The following XPNPEP1 variants were observed in gnomAD, a reference collection of about 807,000 sequenced individuals.
XPNPEP1 encodes xaa-Pro aminopeptidase 1.
A neutral mutation model predicts 92.4 loss-of-function variants in XPNPEP1; 39 were observed. The ratio of observed to expected loss-of-function variants is 0.42; its 90% CI spans 0.33 to 0.55. The LOEUF is 0.55. XPNPEP1 is among the 20% of genes least tolerant of loss of function. The pLI is 0.08. For synonymous variants in XPNPEP1, 307 were observed against 299.4 expected, an observed-to-expected ratio of 1.03 and a Z score of -0.26; for missense variants, 654 against 856.1, an observed-to-expected ratio of 0.76 and a Z score of 2.95.
chr10:109,874,132 A>G (rs542156504), intron 15 of XPNPEP1, among the ~76,000 whole-genome samples: 28 of 152,358 alleles, frequency 1.8e-4, no homozygotes, highest in African/African-American at 6.3e-4. Context: ...TGGTACATAA[A>G]TTTTACCCCA....
At chr10:109,900,974 A>C (rs1223661308) in intron 3 of XPNPEP1, among the ~76,000 whole-genome samples, 2 of 152,144 alleles carry the variant, frequency 1.3e-5, no homozygotes, top group Non-Finnish European at 2.9e-5. Flanking sequence ...CTATAAAGAC[A>C]CATGCACACA....
intron 2 of XPNPEP1, among the ~76,000 whole-genome samples, chr10:109,908,952 A>G (rs1438530355): frequency 6.6e-6 from 1 of 152,162 alleles, no homozygotes; most frequent in African/African-American, 2.4e-5. Context: ...CAGGGCCTCA[A>G]TGCTCTGTGT....
chr10:109,891,746 T>G lies in XPNPEP1; in HGVS notation c.391A>C (p.Ser131Arg). ...YFLQAAKQMD[S>R]NWTLMKMGLK... Reference sequence around the variant, plus strand: ...CCCATCTTCATAAGTGTCCAGTTGCTGTCCATTTGCTTGGCAGCCTGGAGA... The same window carrying G: ...CCCATCTTCATAAGTGTCCAGTTGCGGTCCATTTGCTTGGCAGCCTGGAGA... The change falls in exon 5 of 21, where the codon AGC (serine) becomes CGC (arginine). Residue 131 changes from serine (S) to arginine (R), a missense_variant. By Grantham distance (110) the Ser-to-Arg change is moderately radical. Transcript: ENST00000502935. The G allele has an allele frequency of 6.3e-7, 1 of 1,590,528 alleles. No homozygotes were observed. Among genetic ancestry groups the G allele is most frequent in the Non-Finnish European group, 8.5e-7 (1 of 1,172,560 alleles).
At chr10:109,909,418 T>TA (rs891344020) in intron 2 of XPNPEP1, among the ~76,000 whole-genome samples, 66 of 152,210 alleles carry the variant, frequency 4.3e-4, no homozygotes, top group African/African-American at 1.5e-3. Flanking sequence ...AATAGAAATA[T>TA]AAAACTAATT....
At chr10:109,866,769 A>G (rs368939808) in intron 20 of XPNPEP1, among the ~76,000 whole-genome samples, 2 of 152,244 alleles carry the variant, frequency 1.3e-5, no homozygotes, top group Admixed American at 6.5e-5. Context: ...AGGGCAAATG[A>G]CCAGATATTT....
At chr10:109,915,477 CT>C (rs1043501534) in intron 1 of XPNPEP1, among the ~76,000 whole-genome samples, 1 of 151,754 alleles carries the variant, frequency 6.6e-6, no homozygotes, top group Non-Finnish European at 1.5e-5. Flanking sequence ...CTCTTTGTGC[CT>C]TCATTACTGT....
intron 3 of XPNPEP1, among the ~76,000 whole-genome samples, chr10:109,901,032 C>G (rs1160344569): frequency 6.6e-6 from 1 of 152,040 alleles, no homozygotes; most frequent in Non-Finnish European, 1.5e-5. Flanking sequence ...TGGAACCAAC[C>G]CAAATGTCCA....
intron 3 of XPNPEP1, 64 bp downstream of exon 3, chr10:109,907,627 C>T: frequency 6.2e-7 from 1 of 1,603,814 alleles, no homozygotes. Context: ...TAGAATCCTA[C>T]AAACACATTA....
At chr10:109,871,134 T>G (rs904881897) in intron 17 of XPNPEP1, 2 of 428,116 alleles carry the variant, frequency 4.7e-6, no homozygotes, top group African/African-American at 2.0e-5. Context: ...TGAGCGGGGA[T>G]AGACACCTAC....
At chr10:109,922,963 G>A (rs911519308) in intron 1 of XPNPEP1, among the ~76,000 whole-genome samples, 2 of 152,200 alleles carry the variant, frequency 1.3e-5, no homozygotes, top group Admixed American at 6.5e-5. Context: ...GTGAATTGCA[G>A]GAGTCAGTAT....
intron 2 of XPNPEP1, among the ~76,000 whole-genome samples, chr10:109,908,170 T>C (rs1231607154): frequency 4.6e-5 from 7 of 152,194 alleles, no homozygotes; most frequent in African/African-American, 9.7e-5. Flanking sequence ...GCAGGAGAAG[T>C]GTATGGTCAG....
At chr10:109,916,496 G>T (rs928531566) in intron 1 of XPNPEP1, among the ~76,000 whole-genome samples, 6 of 152,120 alleles carry the variant, frequency 3.9e-5, no homozygotes, top group Non-Finnish European at 5.9e-5. Context: ...TAATTTAACC[G>T]CATTTTTACA....
chr10:109,891,622 T>C, intron 5 of XPNPEP1, 100 bp downstream of exon 5: 1 of 980,998 alleles, frequency 1.0e-6, no homozygotes, highest in Non-Finnish European at 1.5e-6. Context: ...AAAGGGTCCA[T>C]GACTGCATAA....
At chr10:109,883,713 T>G (rs1466414860) in intron 9 of XPNPEP1, 1 of 200,794 alleles carries the variant, frequency 5.0e-6, no homozygotes, top group Non-Finnish European at 9.9e-6. Flanking sequence ...GGTTTTCCCA[T>G]ATTATTTTTG....
At chr10:109,907,902 C>G (rs1352871365) in intron 2 of XPNPEP1, 87 bp from the exon 3 acceptor site, 1 of 1,561,026 alleles carries the variant, frequency 6.4e-7, no homozygotes, top group Non-Finnish European at 8.7e-7. Context: ...AGAGAAGTGC[C>G]TTCTACGTTC....
At chr10:109,919,647 G>A (rs184416409) in intron 1 of XPNPEP1, among the ~76,000 whole-genome samples, 1 of 152,150 alleles carries the variant, frequency 6.6e-6, no homozygotes, top group Non-Finnish European at 1.5e-5. Context: ...TGCATTATTT[G>A]TAACAGCCAA....
chr10:109,870,799 C>A lies in XPNPEP1; in HGVS notation c.1628G>T (p.Gly543Val). 1 of 1,614,092 alleles carries A rather than the reference C, an allele frequency of 6.2e-7. No individual in the cohort carries two copies. Among genetic ancestry groups the A allele is most frequent in the Non-Finnish European group, 8.5e-7 (1 of 1,180,030 alleles). ...TGTTTTGTAACTGATGCCGCAAGGACCCTCATGGACATTCAAAAAAGACCC... is the reference window on the plus strand; with the variant it reads ...TGTTTTGTAACTGATGCCGCAAGGAACCTCATGGACATTCAAAAAAGACCC... ...GVGSFLNVHE[G>V]PCGISYKTFS... Residue 543 changes from glycine (G) to valine (V), a missense_variant, in exon 18 of 21, where the codon GGT (glycine) becomes GTT (valine). Coordinates refer to ENST00000502935, the MANE Select transcript of XPNPEP1 (RefSeq NM_020383.4).
chr10:109,890,940 T>A (rs1412662282), intron 5 of XPNPEP1, among the ~76,000 whole-genome samples: 1 of 152,234 alleles, frequency 6.6e-6, no homozygotes, highest in East Asian at 1.9e-4. Context: ...GCATCAGGTA[T>A]TTTGTTTCAT....
chr10:109,907,878 G>A (rs561649763), intron 2 of XPNPEP1, 63 bp from the exon 3 acceptor site: 216 of 1,598,370 alleles, frequency 1.4e-4, no homozygotes, highest in Middle Eastern at 7.2e-4. Flanking sequence ...CGTCCAGTTC[G>A]AAGTGGGCCA....
Sources: gnomAD v4.1 joint callset for allele counts (sites outside exome capture counted in the v4.1 genomes callset) on GRCh38, gnomAD v4.1.1 for gene constraint, MANE v1.5 for transcripts, NCBI Gene and HGNC (gene_info 2026-07-23, HGNC 2026-07-21) for gene names.